The following EMB variants were observed in gnomAD, a reference collection of about 807,000 sequenced individuals.
The protein encoded by EMB is embigin.
Under a neutral mutation model 41.4 loss-of-function variants are expected in EMB, and 31 were observed. The observed-to-expected ratio is 0.75, with a 90% CI of 0.56 to 1.01. EMB has a LOEUF of 1.01. Ranked by LOEUF, EMB falls within the 50% of genes least tolerant of loss-of-function variation. The probability of loss-of-function intolerance (pLI) is 0.00; values close to 1 mark genes in which losing one functional copy is unlikely to be tolerated. For missense variants in EMB, 379 were observed against 388.3 expected (o/e 0.98, Z 0.20); for synonymous variants, 137 against 140.4 (o/e 0.98, Z 0.17).
chr5:50,431,440 T>C (rs1301903988), intron 1 of EMB, among the ~76,000 whole-genome samples: 1 of 152,150 alleles, frequency 6.6e-6, no homozygotes, highest in Non-Finnish European at 1.5e-5. Flanking sequence ...GCAGATGTGG[T>C]TTGAATACTT....
At position 50,402,213 on chromosome 5, in the gene EMB, A is replaced by T. The variant is rs1169072436; in HGVS notation, c.911+73T>A. The T allele has an allele frequency of 9.3e-6, 14 of 1,507,966 alleles. No individual in the cohort carries two copies. The African/African-American group carries it at 1.1e-4, about 12-fold the overall frequency. The allele number at this position is 1,507,966 out of a possible 1,614,324, so 93.4% of individuals were successfully genotyped here. On this transcript the variant is annotated intron_variant, in intron 7 of 8. Transcript: ENST00000303221. ...TCTGCCTTTTCTCCCCCTAACTGCAAACATTTCATTCAATTTTATGTTTCC... is the reference window on the plus strand; with the variant it reads ...TCTGCCTTTTCTCCCCCTAACTGCATACATTTCATTCAATTTTATGTTTCC...
At chr5:50,407,859 G>A (rs1745273250) in intron 4 of EMB, among the ~76,000 whole-genome samples, 1 of 151,956 alleles carries the variant, frequency 6.6e-6, no homozygotes, top group Non-Finnish European at 1.5e-5. Flanking sequence ...CTAGGAAGAT[G>A]GGGTTTGGAT....
rs561711393 is a variant in EMB at position 50,417,009 on chromosome 5, C to T, written c.197-5626G>A. 3.3e-5 allele frequency among the ~76,000 whole-genome samples: 5 copies of T among 152,244 alleles called. No homozygotes were observed. In the South Asian group the frequency reaches 1.0e-3, roughly 32 times the overall value. ...CTCTTGACACACTGCCCAGGGGTAC[C>T]CCTGCTCTGAAGGAGAAGTCACAGA... On this transcript the variant is annotated intron_variant, in intron 2 of 8. Coordinates refer to ENST00000303221, the MANE Select transcript of EMB (RefSeq NM_198449.3).
intron 2 of EMB, among the ~76,000 whole-genome samples, chr5:50,419,741 G>A (rs1745487382): frequency 1.3e-5 from 2 of 152,156 alleles, no homozygotes; most frequent in Admixed American, 1.3e-4. Context: ...TATGTTCATT[G>A]CAGCACTATT....
intron 1 of EMB, among the ~76,000 whole-genome samples, chr5:50,435,128 T>C (rs1167600652): frequency 6.6e-6 from 1 of 152,210 alleles, no homozygotes; most frequent in Non-Finnish European, 1.5e-5. Context: ...GTAAACTAAT[T>C]ATTTTTGTTT....
intron 2 of EMB, among the ~76,000 whole-genome samples, chr5:50,415,738 C>G: frequency 6.6e-6 from 1 of 152,122 alleles, no homozygotes; most frequent in East Asian, 1.9e-4. Context: ...TGATAACCAA[C>G]AGAATATACC....
rs922602373 is a variant in EMB, at chr5:50,428,482, C to A, written c.113-255G>T. ...ACATCAGATGGCTTTTTTTAAATAA[C>A]GCCTTCCATTTTTATTCTACTATTA... On this transcript the variant is annotated intron_variant, in intron 1 of 8. Coordinates refer to ENST00000303221, the MANE Select transcript of EMB (RefSeq NM_198449.3). The A allele has an allele frequency of 2.0e-5, 22 of 1,110,872 alleles. No homozygotes were observed. In the African/African-American group the frequency reaches 3.6e-4, roughly 18 times the overall value. 68.8% of individuals were successfully genotyped at this position (1,110,872 alleles called of 1,614,324 possible). A position where few individuals can be genotyped will look rare whatever the true frequency, so the allele number is the denominator to read the frequency against.
Position 50,428,193 on chromosome 5 carries a change from T to C in EMB, c.147A>G (p.Glu49=). ...CCAAGGAAAAGTTATTTGCCATTAT[T>C]TCTTCTCTGAGAGGTGGACTTGTAA... ...SPFTSPPLRE[E]IMANNFSLES... is the part of the protein sequence containing the mutation. Residue 49 remains glutamate (E), a synonymous_variant, in exon 2 of 9, where the codon GAA becomes GAG. Transcript: ENST00000303221. 9.3e-6 allele frequency: 15 copies of C among 1,612,360 alleles called. No individual in the cohort carries two copies. The highest frequency in any genetic ancestry group is 1.2e-5 in the Non-Finnish European group (14 of 1,178,516).
In EMB at chr5:50,397,330, C is replaced by T. The variant is rs1579715662; in HGVS notation, c.*1943G>A. ...CAACTTTAATTTTTGAGTACTTTTCCTATTTAAGGTTACTGAGATAAATTG... is the reference window on the plus strand; with the variant it reads ...CAACTTTAATTTTTGAGTACTTTTCTTATTTAAGGTTACTGAGATAAATTG... On this transcript the variant is annotated 3_prime_UTR_variant, in exon 9 of 9. Coordinates refer to ENST00000303221, the MANE Select transcript of EMB (RefSeq NM_198449.3). The T allele has an allele frequency of 1.3e-5, 2 of 152,088 alleles. No homozygotes were observed. Among genetic ancestry groups the T allele is most frequent in the South Asian group, 4.2e-4 (2 of 4,816 alleles). 9.4% of individuals were successfully genotyped at this position (152,088 alleles called of 1,614,324 possible).
intron 2 of EMB, among the ~76,000 whole-genome samples, chr5:50,422,170 G>A (rs1745535894): frequency 6.6e-6 from 1 of 152,036 alleles, no homozygotes; most frequent in Admixed American, 6.6e-5. Flanking sequence ...AAAATACCAA[G>A]AAATTAATGA....
intron 2 of EMB, among the ~76,000 whole-genome samples, chr5:50,413,067 C>T (rs1242351813): frequency 6.6e-6 from 1 of 152,068 alleles, no homozygotes; most frequent in Non-Finnish European, 1.5e-5. Flanking sequence ...CACACGCGCC[C>T]ACGCGCACAC....
intron 2 of EMB, among the ~76,000 whole-genome samples, chr5:50,417,762 AT>A (rs957768974): frequency 1.3e-5 from 2 of 152,238 alleles, no homozygotes; most frequent in South Asian, 2.1e-4. Flanking sequence ...AACTTTTAGA[AT>A]TTTTTTTACA....
At position 50,440,533 on chromosome 5, in the gene EMB, C is replaced by CAAAAAAAAAAAAAAAAAA. The variant is rs70972912; in HGVS notation, c.112+489_112+506dup. Among the ~76,000 whole-genome samples the CAAAAAAAAAAAAAAAAAA allele has an allele frequency of 5.0e-5, 3 of 60,054 alleles. 1 individual carries two copies. The highest frequency in any genetic ancestry group is 2.1e-4 in the African/African-American group (3 of 14,554). 39.4% of individuals were successfully genotyped at this position (60,054 alleles called of 152,430 possible). ...GGGCAACAAGAGTAAAACTCCGTCT[C>CAAAAAAAAAAAAAAAAAA]AAAAAAAAAAAAAAAAAAAAAAAAA... is the stretch of plus-strand genomic sequence containing the variant. On this transcript the variant is annotated intron_variant, in intron 1 of 8. Transcript: ENST00000303221.
intron 1 of EMB, among the ~76,000 whole-genome samples, chr5:50,433,109 T>C (rs1171024369): frequency 6.6e-6 from 1 of 151,950 alleles, no homozygotes; most frequent in African/African-American, 2.4e-5. Context: ...ATAGTAATCC[T>C]GATGGGAACA....
intron 8 of EMB, among the ~76,000 whole-genome samples, 169 bp from the exon 9 acceptor site, chr5:50,399,459 C>G (rs185200659): frequency 6.6e-6 from 1 of 152,000 alleles, no homozygotes; most frequent in East Asian, 1.9e-4. Flanking sequence ...TGAATCTAAT[C>G]AGCAAAGAAA....
At chr5:50,438,346 G>C (rs1205426546) in intron 1 of EMB, among the ~76,000 whole-genome samples, 8 of 152,334 alleles carry the variant, frequency 5.3e-5, no homozygotes, top group African/African-American at 1.2e-4. Context: ...CTGAGCGACA[G>C]AGTGAGAATT....
intron 5 of EMB, among the ~76,000 whole-genome samples, chr5:50,405,210 C>T (rs533383284): frequency 4.0e-4 from 61 of 151,914 alleles, no homozygotes; most frequent in Non-Finnish European, 8.1e-4. Flanking sequence ...TCTCAGGTAG[C>T]TTGAAAAGGC....
Position 50,399,259 on chromosome 5 carries a change from A to C in EMB, c.*14T>G, listed in dbSNP as rs771644442. Reference sequence around the variant, plus strand: ...TGTATATCTTCCAATGATTCTCGACATGATGTTTTGTATTCACTGGCCCAG... The same window carrying C: ...TGTATATCTTCCAATGATTCTCGACCTGATGTTTTGTATTCACTGGCCCAG... On this transcript the variant is annotated 3_prime_UTR_variant, in exon 9 of 9. Coordinates refer to ENST00000303221, the MANE Select transcript of EMB (RefSeq NM_198449.3). The C allele has an allele frequency of 4.4e-6, 7 of 1,608,300 alleles. No homozygotes were observed. The highest frequency in any genetic ancestry group is 1.7e-6 in the Non-Finnish European group (2 of 1,176,886).
chr5:50,405,865 T>G lies in EMB; in HGVS notation c.473-13A>C, dbSNP rs768217485. 3 of 1,571,748 alleles carry G rather than the reference T, an allele frequency of 1.9e-6. No individual in the cohort carries two copies. Among genetic ancestry groups the G allele is most frequent in the African/African-American group, 2.8e-5 (2 of 72,338 alleles). Reference sequence around the variant, plus strand: ...TGAAGTTCAGGGACTGAGAATAAAATAGAGAAATGTATGTTACTGAAAGAG... The same window carrying G: ...TGAAGTTCAGGGACTGAGAATAAAAGAGAGAAATGTATGTTACTGAAAGAG... On this transcript the variant is annotated splice_polypyrimidine_tract_variant and intron_variant, in intron 4 of 8. Coordinates refer to ENST00000303221, the MANE Select transcript of EMB (RefSeq NM_198449.3).
Sources: allele counts gnomAD v4.1 joint callset (sites outside exome capture counted in the v4.1 genomes callset), GRCh38; gene constraint gnomAD v4.1.1; transcripts MANE v1.5; gene names NCBI Gene and HGNC (gene_info 2026-07-23, HGNC 2026-07-21).